Variants in MDGA1 observed in about 807,000 individuals in gnomAD.
MDGA1 encodes the protein MAM domain-containing glycosylphosphatidylinositol anchor protein 1.
In MDGA1, 54 loss-of-function variants were observed where a neutral mutation model predicts 101.5. The ratio of observed to expected loss-of-function variants is 0.53; its 90% CI spans 0.43 to 0.67. MDGA1 has a LOEUF of 0.67. MDGA1 is among the 30% of genes least tolerant of loss of function. The pLI is 0.00. For missense variants in MDGA1, 1,083 were observed against 1,323.8 expected, an observed-to-expected ratio of 0.82 and a Z score of 2.82; for synonymous variants, 533 against 558.3, an observed-to-expected ratio of 0.95 and a Z score of 0.64.
chr6:37,646,262 G>A lies in MDGA1; in HGVS notation c.2160C>T (p.Arg720=). The change falls in exon 11 of 17, where the codon CGC becomes CGT. Residue 720 remains arginine (R), a synonymous_variant. Transcript: ENST00000434837. ...DLRVPHSYEV[R]LTPYTTFGAG... ...CCCCGAAGGTGGTATAGGGTGTGAGGCGGACCTCATAGCTGTGGGGCACAC... is the reference window on the plus strand; with the variant it reads ...CCCCGAAGGTGGTATAGGGTGTGAGACGGACCTCATAGCTGTGGGGCACAC... 2 of 1,606,328 alleles carry A rather than the reference G, an allele frequency of 1.2e-6. No homozygotes were observed. Among genetic ancestry groups the A allele is most frequent in the Non-Finnish European group, 8.5e-7 (1 of 1,175,728 alleles).
chr6:37,658,555 GA>G lies in MDGA1; in HGVS notation c.208-137del. 6.0e-6 allele frequency: 5 copies of G among 832,870 alleles called. No homozygotes were observed. The South Asian group carries it at 8.8e-5, about 15-fold the overall frequency. 51.6% of individuals were successfully genotyped at this position (832,870 alleles called of 1,614,324 possible). ...GCACGTGGGGCACACGCAGGCCTAGGAAACGAACCCAGACAGACTCGTGGGA... is the reference window on the plus strand; with the variant it reads ...GCACGTGGGGCACACGCAGGCCTAGGAACGAACCCAGACAGACTCGTGGGA... On this transcript the variant is annotated intron_variant, in intron 2 of 16. Transcript: ENST00000434837.
intron 1 of MDGA1, among the ~76,000 whole-genome samples, chr6:37,695,801 T>C (rs1346911358): frequency 1.3e-5 from 2 of 152,144 alleles, no homozygotes; most frequent in Non-Finnish European, 2.9e-5. Context: ...CATCCTGCAG[T>C]AAAGAGAAAG....
Position 37,647,218 on chromosome 6 carries a change from G to C in MDGA1, c.2001C>G (p.Pro667=). The C allele has an allele frequency of 1.3e-6, 2 of 1,594,956 alleles. 1 individual carries two copies. The highest frequency in any genetic ancestry group is 2.3e-5 in the South Asian group (2 of 87,662). The change falls in exon 10 of 17, where the codon CCC becomes CCG. Residue 667 remains proline (P), a synonymous_variant. Coordinates refer to ENST00000434837, the MANE Select transcript of MDGA1 (RefSeq NM_153487.4). ...AGTTGAGCACAGGGTCGACAGCGTC[G>C]GGCTCCCTCTGAGTCCACTGCAGCA... ...SYVLQWTQRE[P]DAVDPVLNYR...
At position 37,655,911 on chromosome 6, in the gene MDGA1, C is replaced by T; in HGVS notation, c.383-15G>A. On this transcript the variant is annotated splice_polypyrimidine_tract_variant and intron_variant, in intron 3 of 16. Transcript: ENST00000434837. The surrounding 1 kb of genome is among the most constrained non-coding windows in gnomAD (Gnocchi z 5.1). ...CTCATCCAGGTCTGCAAGGGCACAG[C>T]CCCCATGGAGTCAGGACTGGGTGAC... is the stretch of plus-strand genomic sequence containing the variant. 1 of 1,605,398 alleles carries T rather than the reference C, an allele frequency of 6.2e-7. No individual in the cohort carries two copies. Among genetic ancestry groups the T allele is most frequent in the Non-Finnish European group, 8.5e-7 (1 of 1,175,832 alleles).
chr6:37,652,429 C>G lies in MDGA1; in HGVS notation c.983-89G>C. On this transcript the variant is annotated intron_variant, in intron 6 of 16. Coordinates refer to ENST00000434837, the MANE Select transcript of MDGA1 (RefSeq NM_153487.4). This position sits in a 1 kb window ranked among gnomAD's most constrained non-coding sequence, Gnocchi z 4.3. ...CCCCAACCCAGACCCAGCTTCTCCC[C>G]TCTAGCTGGCCCTTCTGGGGATAGG... 1.0e-6 allele frequency: 1 copy of G among 980,984 alleles called. No individual in the cohort carries two copies. The highest frequency in any genetic ancestry group is 1.7e-5 in the South Asian group (1 of 59,762). The allele number at this position is 980,984 out of a possible 1,614,324, so 60.8% of individuals were successfully genotyped here. A position where few individuals can be genotyped will look rare whatever the true frequency, so the allele number is the denominator to read the frequency against.
intron 1 of MDGA1, among the ~76,000 whole-genome samples, chr6:37,690,772 C>CAAA (rs11388608): frequency 0.058 from 7,427 of 128,050 alleles, 526 homozygotes; most frequent in African/African-American, 0.16. Flanking sequence ...GACTCCACCT[C>CAAA]AAAAAAAAAA....
At position 37,638,420 on chromosome 6, in the gene MDGA1, C is replaced by T; in HGVS notation, c.2668-107G>A. On this transcript the variant is annotated intron_variant, in intron 15 of 16. Transcript: ENST00000434837. The surrounding 1 kb of genome is among the most constrained non-coding windows in gnomAD (Gnocchi z 4.8). ...CCCTTAATCTACCTGGAAGTTCCCCCTAACCTGACTCTTTCCATCCTTAGC... is the reference window on the plus strand; with the variant it reads ...CCCTTAATCTACCTGGAAGTTCCCCTTAACCTGACTCTTTCCATCCTTAGC... The T allele has an allele frequency of 1.3e-6, 2 of 1,545,072 alleles. No homozygotes were observed. The highest frequency in any genetic ancestry group is 1.8e-6 in the Non-Finnish European group (2 of 1,134,928).
At chr6:37,649,361 G>A in intron 8 of MDGA1, 95 bp from the exon 9 acceptor site, 2 of 1,390,070 alleles carry the variant, frequency 1.4e-6, no homozygotes, top group Non-Finnish European at 1.9e-6. Context: ...CTCTAATGCC[G>A]TGAGCCCCCG....
rs1241566015 is a variant in MDGA1, at chr6:37,630,704, C to T, written c.*6664G>A. On this transcript the variant is annotated 3_prime_UTR_variant, in exon 17 of 17. Coordinates refer to ENST00000434837, the MANE Select transcript of MDGA1 (RefSeq NM_153487.4). ...TTAAAACAACTATTTTATTATATCCCATGACGATGGGTCAGGAATTTGGAC... is the reference window on the plus strand; with the variant it reads ...TTAAAACAACTATTTTATTATATCCTATGACGATGGGTCAGGAATTTGGAC... 6.6e-6 allele frequency: 1 copy of T among 152,214 alleles called. No individual in the cohort carries two copies. The highest frequency in any genetic ancestry group is 2.4e-5 in the African/African-American group (1 of 41,432). The allele number at this position is 152,214 out of a possible 1,614,324, so 9.4% of individuals were successfully genotyped here. A position where few individuals can be genotyped will look rare whatever the true frequency, so the allele number is the denominator to read the frequency against.
Position 37,652,136 on chromosome 6 carries a change from A to T in MDGA1, c.1187T>A (p.Val396Asp). Residue 396 changes from valine (V) to aspartate (D), a missense_variant, in exon 7 of 17, where the codon GTC (valine) becomes GAC (aspartate). Val to Asp is a radical substitution (Grantham distance 152). Around this residue, in one of 3 missense-constraint regions of MDGA1, gnomAD observed 116 missense variants for 196.6 expected, o/e 0.59. Transcript: ENST00000434837. This position sits in a 1 kb window ranked among gnomAD's most constrained non-coding sequence, Gnocchi z 4.3. ...GTCAATGAGCTCTAGGCTGCTGGTG[A>T]CTGCGGGCAGCTCAGGATCATTGCG... ...VTRNDPELPA[V>D]TSSLELIDLH... The T allele has an allele frequency of 6.2e-7, 1 of 1,613,936 alleles. No individual in the cohort carries two copies.
intron 14 of MDGA1, chr6:37,643,154 A>G (rs562468817): frequency 6.6e-6 from 1 of 152,406 alleles, no homozygotes; most frequent in East Asian, 1.9e-4. Context: ...GTGAGGGTTA[A>G]TGCAATCAAG....
At chr6:37,662,247 C>T (rs1407900422) in intron 2 of MDGA1, among the ~76,000 whole-genome samples, 5 of 151,110 alleles carry the variant, frequency 3.3e-5, no homozygotes, top group Non-Finnish European at 5.9e-5. Context: ...GTCCAAGCGA[C>T]AGGACTGATA....
At chr6:37,664,551 G>A (rs1617669) in intron 1 of MDGA1, among the ~76,000 whole-genome samples, 16,894 of 149,280 alleles carry the variant, frequency 0.11, 1,412 homozygotes, top group African/African-American at 0.23. Context: ...CAAGAGAGCT[G>A]CCTTGGCCAG....
intron 11 of MDGA1, 53 bp from the exon 12 acceptor site, chr6:37,646,009 G>A (rs1368180571): frequency 2.5e-6 from 4 of 1,613,212 alleles, no homozygotes; most frequent in Non-Finnish European, 3.4e-6. Context: ...GGGCTCTGCA[G>A]AGGATACCCT....
Position 37,634,022 on chromosome 6 carries a change from T to A in MDGA1, c.*3346A>T, listed in dbSNP as rs1387608590. On this transcript the variant is annotated 3_prime_UTR_variant, in exon 17 of 17. Transcript: ENST00000434837. This position sits in a 1 kb window ranked among gnomAD's most constrained non-coding sequence, Gnocchi z 4.7. ...AAAAGGAGAATGAATGAGAAAGAGG[T>A]GTCAGGCCCATCTCTGAGAGGTAGG... 6.6e-6 allele frequency: 1 copy of A among 152,534 alleles called. No individual in the cohort carries two copies. Among genetic ancestry groups the A allele is most frequent in the Non-Finnish European group, 1.5e-5 (1 of 68,222 alleles). 9.4% of individuals were successfully genotyped at this position (152,534 alleles called of 1,614,324 possible). A position where few individuals can be genotyped will look rare whatever the true frequency, so the allele number is the denominator to read the frequency against.
Position 37,644,662 on chromosome 6 carries a change from G to A in MDGA1, c.2249-13C>T. The A allele has an allele frequency of 1.9e-6, 3 of 1,551,532 alleles. No individual in the cohort carries two copies. Among genetic ancestry groups the A allele is most frequent in the African/African-American group, 1.4e-5 (1 of 72,574 alleles). ...TGGCAGGTGTTGTCTGCATTTTATG[G>A]GGCGAATGAGACAAAGAGTCAGCCT... On this transcript the variant is annotated splice_polypyrimidine_tract_variant and intron_variant, in intron 12 of 16. Transcript: ENST00000434837.
At chr6:37,686,672 C>T (rs542203357) in intron 1 of MDGA1, among the ~76,000 whole-genome samples, 1 of 152,194 alleles carries the variant, frequency 6.6e-6, no homozygotes, top group South Asian at 2.1e-4. Flanking sequence ...GGAGATCCAC[C>T]CGCCTTGGCC....
rs73413359 is a variant in MDGA1, at chr6:37,647,114, C to T, written c.2046+59G>A. The T allele has an allele frequency of 4.0e-6, 6 of 1,487,734 alleles. No homozygotes were observed. The African/African-American group carries it at 8.3e-5, about 21-fold the overall frequency. The allele number at this position is 1,487,734 out of a possible 1,614,324, so 92.2% of individuals were successfully genotyped here. A position where few individuals can be genotyped will look rare whatever the true frequency, so the allele number is the denominator to read the frequency against. Reference sequence around the variant, plus strand: ...CTTCCTCTGGCCTTGATGAGCATTTCCAGGGTCAGCCACACCACACTCCAC... The same window carrying T: ...CTTCCTCTGGCCTTGATGAGCATTTTCAGGGTCAGCCACACCACACTCCAC... On this transcript the variant is annotated intron_variant, in intron 10 of 16. Coordinates refer to ENST00000434837, the MANE Select transcript of MDGA1 (RefSeq NM_153487.4).
rs564949105 is a variant in MDGA1, at chr6:37,633,698, C to A, written c.*3670G>T. 2 of 152,452 alleles carry A rather than the reference C, an allele frequency of 1.3e-5. No individual in the cohort carries two copies. The highest frequency in any genetic ancestry group is 2.9e-5 in the Non-Finnish European group (2 of 68,236). 9.4% of individuals were successfully genotyped at this position (152,452 alleles called of 1,614,324 possible). A position where few individuals can be genotyped will look rare whatever the true frequency, so the allele number is the denominator to read the frequency against. ...AGAGGCCAGAATTTGGAGCCGAGGGCAGGATCCCAGCAACATCTATAACAT... is the reference window on the plus strand; with the variant it reads ...AGAGGCCAGAATTTGGAGCCGAGGGAAGGATCCCAGCAACATCTATAACAT... On this transcript the variant is annotated 3_prime_UTR_variant, in exon 17 of 17. Coordinates refer to ENST00000434837, the MANE Select transcript of MDGA1 (RefSeq NM_153487.4).
Sources: allele counts gnomAD v4.1 joint callset (sites outside exome capture counted in the v4.1 genomes callset), GRCh38; gene constraint gnomAD v4.1.1; regional missense constraint gnomAD v4.1.1; non-coding constraint Gnocchi (gnomAD v3.1); transcripts MANE v1.5; gene names NCBI Gene and HGNC (gene_info 2026-07-23, HGNC 2026-07-21).